The following ZNF79 variants were observed in gnomAD, a reference collection of about 807,000 sequenced individuals.
ZNF79 encodes the protein zinc finger protein 79, also known as ZNFpT7.
Under a neutral mutation model 14.9 loss-of-function variants are expected in ZNF79, and 13 were observed. That is an observed-to-expected ratio of 0.87 (90% confidence interval 0.57 to 1.38). The LOEUF is 1.38. ZNF79 is among the 40% of genes most tolerant of loss of function. The probability of loss-of-function intolerance (pLI) is 0.00; values close to 1 mark genes in which losing one functional copy is unlikely to be tolerated. For missense variants in ZNF79, 631 were observed against 630.6 expected, an observed-to-expected ratio of 1.00 and a Z score of -0.01; for synonymous variants, 223 against 235.1, an observed-to-expected ratio of 0.95 and a Z score of 0.47.
intron 1 of ZNF79, among the ~76,000 whole-genome samples, chr9:127,425,242 A>T (rs1304648217): frequency 1.3e-5 from 2 of 152,190 alleles, no homozygotes; most frequent in Non-Finnish European, 2.9e-5. Flanking sequence ...GTTGTGGAGG[A>T]CAGGGGAATT....
intron 2 of ZNF79, among the ~76,000 whole-genome samples, chr9:127,433,014 G>A (rs746832382): frequency 6.6e-6 from 1 of 151,918 alleles, no homozygotes; most frequent in Non-Finnish European, 1.5e-5. Context: ...ACTCCTGACC[G>A]CAGGTGATCC....
intron 4 of ZNF79, among the ~76,000 whole-genome samples, chr9:127,439,443 A>AGTCGTCAGGG (rs1193394616): frequency 1.3e-5 from 2 of 152,230 alleles, no homozygotes; most frequent in African/African-American, 2.4e-5. Context: ...AGTGAACAGA[A>AGTCGTCAGGG]GTCGTCAGGG....
chr9:127,424,622 C>T lies in ZNF79; in HGVS notation c.-166C>T. On this transcript the variant is annotated 5_prime_UTR_variant, in exon 1 of 5. Coordinates refer to ENST00000342483, the MANE Select transcript of ZNF79 (RefSeq NM_007135.3). ...GGGCAGGCCCGGACAGCTCCCGCGA[C>T]CCAGCACCGCAGGATCAGACCGTGC... is the stretch of plus-strand genomic sequence containing the variant. The T allele has an allele frequency of 9.5e-7, 1 of 1,053,502 alleles. No individual in the cohort carries two copies. The highest frequency in any genetic ancestry group is 3.1e-4 in the Middle Eastern group (1 of 3,256). The allele number at this position is 1,053,502 out of a possible 1,614,324, so 65.3% of individuals were successfully genotyped here.
Position 127,445,370 on chromosome 9 carries a change from G to A in ZNF79, c.*173G>A, listed in dbSNP as rs1834153441. ...ATAAACAGCCACTATTTCACATGCT[G>A]TATATGGACGCTCAGCTCTCCATCA... On this transcript the variant is annotated 3_prime_UTR_variant, in exon 5 of 5. Transcript: ENST00000342483. 3 of 635,158 alleles carry A rather than the reference G, an allele frequency of 4.7e-6. No homozygotes were observed. The highest frequency in any genetic ancestry group is 2.0e-5 in the South Asian group (1 of 49,096). 39.3% of individuals were successfully genotyped at this position (635,158 alleles called of 1,614,324 possible).
At position 127,444,488 on chromosome 9, in the gene ZNF79, A is replaced by C. The variant is rs148968211; in HGVS notation, c.788A>C (p.Asn263Thr). 5 of 1,610,602 alleles carry C rather than the reference A, an allele frequency of 3.1e-6. No individual in the cohort carries two copies. The highest frequency in any genetic ancestry group is 3.4e-6 in the Non-Finnish European group (4 of 1,177,140). ...GGAAGAGCCTTCAGCCAGAACGCCA[A>C]CCTCACCAAACACCAGCGAACCCAC... Reference protein sequence around the residue: ...ECGRAFSQNANLTKHQRTHTG... With the variant: ...ECGRAFSQNATLTKHQRTHTG... The change falls in exon 5 of 5, where the codon AAC (asparagine) becomes ACC (threonine). Residue 263 changes from asparagine (N) to threonine (T), a missense_variant. Physicochemically the swap from Asn to Thr is moderately conservative, Grantham distance 65. Transcript: ENST00000342483.
Position 127,444,273 on chromosome 9 carries a change from A to G in ZNF79, c.573A>G (p.Lys191=), listed in dbSNP as rs779995054. Residue 191 remains lysine (K), a synonymous_variant, in exon 5 of 5, where the codon AAA becomes AAG. Transcript: ENST00000342483. ...NSEILKPHRA[K]PYACNECGKA... ...AAATCCTGAAACCTCACAGAGCAAAACCATATGCATGTAATGAATGTGGCA... is the reference window on the plus strand; with the variant it reads ...AAATCCTGAAACCTCACAGAGCAAAGCCATATGCATGTAATGAATGTGGCA... The G allele has an allele frequency of 3.1e-6, 5 of 1,614,020 alleles. No individual in the cohort carries two copies. The East Asian group carries it at 8.9e-5, about 29-fold the overall frequency.
intron 4 of ZNF79, among the ~76,000 whole-genome samples, chr9:127,437,010 A>T (rs1195773252): frequency 6.8e-6 from 1 of 146,686 alleles, no homozygotes; most frequent in African/African-American, 2.5e-5. Flanking sequence ...CAGTGAGCCG[A>T]GATTGTGCCA....
chr9:127,430,543 T>C (rs149066185), intron 2 of ZNF79, among the ~76,000 whole-genome samples: 20 of 152,366 alleles, frequency 1.3e-4, no homozygotes, highest in African/African-American at 4.8e-4. Flanking sequence ...TGTTCCTGCA[T>C]TAATTCACTT....
intron 4 of ZNF79, among the ~76,000 whole-genome samples, chr9:127,442,122 C>G (rs926339634): frequency 3.5e-5 from 5 of 144,718 alleles, no homozygotes; most frequent in Admixed American, 1.4e-4. Context: ...CATATTAGGC[C>G]GGGTGTGCTA....
chr9:127,438,336 G>A (rs1276680284), intron 4 of ZNF79, among the ~76,000 whole-genome samples: 10 of 152,144 alleles, frequency 6.6e-5, no homozygotes, highest in Admixed American at 6.5e-4. Context: ...TTAGAGAAAG[G>A]ACACAGAACT....
chr9:127,444,516 C>G lies in ZNF79; in HGVS notation c.816C>G (p.Thr272=), dbSNP rs565175666. The G allele has an allele frequency of 5.0e-6, 8 of 1,611,276 alleles. No individual in the cohort carries two copies. The highest frequency in any genetic ancestry group is 4.5e-5 in the East Asian group (2 of 44,878). ...TCACCAAACACCAGCGAACCCACAC[C>G]GGAGAGAAGCCCTACAGATGCAGCG... ...ANLTKHQRTH[T]GEKPYRCSEC... The change falls in exon 5 of 5, where the codon ACC becomes ACG. Residue 272 remains threonine, a synonymous_variant. Coordinates refer to ENST00000342483, the MANE Select transcript of ZNF79 (RefSeq NM_007135.3).
At chr9:127,433,884 C>G (rs1185578944) in intron 2 of ZNF79, among the ~76,000 whole-genome samples, 5 of 152,174 alleles carry the variant, frequency 3.3e-5, no homozygotes, top group Non-Finnish European at 7.3e-5. Flanking sequence ...CATCTAGTCC[C>G]TCTCCTCAAG....
intron 1 of ZNF79, among the ~76,000 whole-genome samples, chr9:127,426,695 GTACTT>G (rs1286146295): frequency 1.3e-5 from 2 of 152,226 alleles, no homozygotes; most frequent in African/African-American, 4.8e-5. Flanking sequence ...GCATGCGTCA[GTACTT>G]CATCCCTTTT....
At chr9:127,434,991 A>G in intron 2 of ZNF79, 99 bp from the exon 3 acceptor site, 1 of 1,414,696 alleles carries the variant, frequency 7.1e-7, no homozygotes, top group Non-Finnish European at 9.5e-7. Context: ...GAATCTTTTC[A>G]AAGACTTTTC....
At chr9:127,435,019 C>T in intron 2 of ZNF79, 71 bp from the exon 3 acceptor site, 3 of 1,492,408 alleles carry the variant, frequency 2.0e-6, no homozygotes, top group Non-Finnish European at 1.8e-6. Context: ...CCCAAAACTG[C>T]CAACGTTAAC....
chr9:127,443,040 C>CT (rs1442711134), intron 4 of ZNF79, among the ~76,000 whole-genome samples: 1 of 152,200 alleles, frequency 6.6e-6, no homozygotes, highest in African/African-American at 2.4e-5. Flanking sequence ...GCTGTCATCT[C>CT]TAAGATAACA....
rs375171920 is a variant in ZNF79 at position 127,433,805 on chromosome 9, C to T, written c.106-1285C>T. Among the ~76,000 whole-genome samples, 61 of 152,316 alleles carry T rather than the reference C, an allele frequency of 4.0e-4. 2 individuals carry two copies. The South Asian group carries it at 0.012, about 31-fold the overall frequency. On this transcript the variant is annotated intron_variant, in intron 2 of 4. Transcript: ENST00000342483. Reference sequence around the variant, plus strand: ...TTGTGATGACACTGTCATCTGTCTGCTCTTCCAAGCAGGAAACATCTTTGA... The same window carrying T: ...TTGTGATGACACTGTCATCTGTCTGTTCTTCCAAGCAGGAAACATCTTTGA...
At chr9:127,428,350 ACT>A (rs1833798887) in intron 1 of ZNF79, among the ~76,000 whole-genome samples, 1 of 151,994 alleles carries the variant, frequency 6.6e-6, no homozygotes, top group African/African-American at 2.4e-5. Flanking sequence ...GTGAAGTGAG[ACT>A]CTCTGCCCAG....
chr9:127,433,973 G>A (rs541729053), intron 2 of ZNF79, among the ~76,000 whole-genome samples: 1 of 152,270 alleles, frequency 6.6e-6, no homozygotes, highest in South Asian at 2.1e-4. Flanking sequence ...TCAAGACACA[G>A]TTGCCTTCCA....
Sources: allele counts gnomAD v4.1 joint callset (sites outside exome capture counted in the v4.1 genomes callset), GRCh38; gene constraint gnomAD v4.1.1; transcripts MANE v1.5; gene names NCBI Gene and HGNC (gene_info 2026-07-23, HGNC 2026-07-21).